WDPCP: variants seen among roughly 807,000 people sequenced by gnomAD.
WDPCP encodes WD repeat-containing and planar cell polarity effector protein fritz homolog.
Under a neutral mutation model 93.1 loss-of-function variants are expected in WDPCP, and 71 were observed. The ratio of observed to expected loss-of-function variants is 0.76; its 90% CI spans 0.63 to 0.93. WDPCP has a LOEUF of 0.93. WDPCP is among the 40% of genes least tolerant of loss of function. The probability of loss-of-function intolerance (pLI) is 0.00; values close to 1 mark genes in which losing one functional copy is unlikely to be tolerated. For missense variants in WDPCP, 844 were observed against 887.4 expected (o/e 0.95, Z 0.62); for synonymous variants, 315 against 315.0 (o/e 1.00, Z 0.00).
At chr2:63,651,651 T>C (rs969714002) in intron 2 of WDPCP, among the ~76,000 whole-genome samples, 7 of 152,192 alleles carry the variant, frequency 4.6e-5, no homozygotes, top group Non-Finnish European at 7.3e-5. Context: ...TCTTAAGGCC[T>C]TCAACTGATT....
chr2:63,515,831 T>G (rs1575563016), intron 1 of WDPCP, among the ~76,000 whole-genome samples: 1 of 152,072 alleles, frequency 6.6e-6, no homozygotes, highest in South Asian at 2.1e-4. Context: ...ACCAGCCTGG[T>G]CAACATGGTG....
chr2:63,226,438 T>C (rs905275085), intron 14 of WDPCP, among the ~76,000 whole-genome samples: 3 of 151,960 alleles, frequency 2.0e-5, no homozygotes, highest in African/African-American at 7.2e-5. Flanking sequence ...AAGGTATTGT[T>C]TTCAAGATTT....
chr2:63,155,367 C>A (rs1559160200), intron 15 of WDPCP, among the ~76,000 whole-genome samples: 1 of 151,994 alleles, frequency 6.6e-6, no homozygotes, highest in South Asian at 2.1e-4. Flanking sequence ...TGTATTGTGC[C>A]AATACCATTT....
chr2:63,240,080 T>C (rs563719992), intron 14 of WDPCP, among the ~76,000 whole-genome samples: 69 of 152,290 alleles, frequency 4.5e-4, no homozygotes, highest in African/African-American at 1.5e-3. Flanking sequence ...TATTTTATAA[T>C]AGAGCAAACT....
chr2:63,749,300 G>A (rs979202765), intron 2 of WDPCP, among the ~76,000 whole-genome samples: 1 of 152,026 alleles, frequency 6.6e-6, no homozygotes, highest in African/African-American at 2.4e-5. Flanking sequence ...AATAGACTCA[G>A]AAAGAAAACT....
At chr2:63,273,441 A>G (rs1441061359) in intron 13 of WDPCP, among the ~76,000 whole-genome samples, 1 of 151,404 alleles carries the variant, frequency 6.6e-6, no homozygotes, top group Non-Finnish European at 1.5e-5. Flanking sequence ...AACTTAAAAC[A>G]TGTAAAAAAA....
intron 12 of WDPCP, among the ~76,000 whole-genome samples, chr2:63,345,036 G>A (rs1241521084): frequency 6.6e-6 from 1 of 152,102 alleles, no homozygotes; most frequent in African/African-American, 2.4e-5. Flanking sequence ...AATTGATTCT[G>A]TCAGTTTTTG....
intron 14 of WDPCP, among the ~76,000 whole-genome samples, chr2:63,200,844 A>ATGGT (rs1170193269): frequency 6.6e-6 from 1 of 152,172 alleles, no homozygotes; most frequent in East Asian, 1.9e-4. Context: ...CAGTAGAAGG[A>ATGGT]TGGTTACTAG....
chr2:63,641,837 C>T (rs1709983386), intron 3 of WDPCP, among the ~76,000 whole-genome samples: 1 of 152,106 alleles, frequency 6.6e-6, no homozygotes, highest in African/African-American at 2.4e-5. Flanking sequence ...GTTGCCTGTG[C>T]TTGTGGGGTA....
At chr2:63,631,961 C>T (rs758412152) in intron 3 of WDPCP, among the ~76,000 whole-genome samples, 47 of 152,168 alleles carry the variant, frequency 3.1e-4, no homozygotes, top group Non-Finnish European at 5.0e-4. Flanking sequence ...AGATAATGAA[C>T]AGTCATTGCT....
intron 13 of WDPCP, among the ~76,000 whole-genome samples, chr2:63,294,348 C>T (rs984548979): frequency 7.9e-5 from 12 of 151,602 alleles, no homozygotes; most frequent in East Asian, 1.9e-4. Context: ...ACTAAAAATA[C>T]GCATACAAAA....
intron 1 of WDPCP, among the ~76,000 whole-genome samples, chr2:63,504,367 T>TGA (rs1553413961): frequency 7.6e-5 from 11 of 144,468 alleles, no homozygotes; most frequent in South Asian, 2.2e-4. Flanking sequence ...TGTGTGTGTG[T>TGA]GATGTATTTT....
intron 7 of WDPCP, chr2:63,437,824 C>A: frequency 6.3e-7 from 1 of 1,574,936 alleles, no homozygotes; most frequent in Non-Finnish European, 8.6e-7. Flanking sequence ...TATTTAGAAA[C>A]AGGGCTATAA....
At chr2:63,391,750 C>G (rs1693270386) in intron 10 of WDPCP, among the ~76,000 whole-genome samples, 1 of 152,042 alleles carries the variant, frequency 6.6e-6, no homozygotes, top group Admixed American at 6.6e-5. Context: ...CAATAATAGA[C>G]AGAGAGCCAA....
intron 1 of WDPCP, among the ~76,000 whole-genome samples, chr2:63,503,668 T>C (rs913008975): frequency 6.6e-6 from 1 of 152,154 alleles, no homozygotes; most frequent in Non-Finnish European, 1.5e-5. Context: ...TAATTAATTC[T>C]AGATTAAAAC....
At chr2:63,549,507 G>A (rs1447435984) in intron 1 of WDPCP, among the ~76,000 whole-genome samples, 5 of 152,066 alleles carry the variant, frequency 3.3e-5, no homozygotes, top group South Asian at 2.1e-4. Context: ...GGTGGCTCAC[G>A]CCTGTAATCC....
Position 63,152,944 on chromosome 2 carries a change from G to T in WDPCP, c.2160C>A (p.Asp720Glu). 1 of 1,612,158 alleles carries T rather than the reference G, an allele frequency of 6.2e-7. No individual in the cohort carries two copies. The highest frequency in any genetic ancestry group is 8.5e-7 in the Non-Finnish European group (1 of 1,178,748). The change falls in exon 17 of 18, where the codon GAC becomes GAA. Residue 720 changes from aspartate to glutamate, a missense_variant and splice_region_variant. Coordinates refer to ENST00000272321, the MANE Select transcript of WDPCP (RefSeq NM_015910.7). ...FLMTNTCNAE[D>E]GELREDGREQ... ...CTCTGCCGTCTTCTCTCAGTTCTCC[G>T]TCTAAAGTAAAAGATTAAAACATTA...
At position 63,120,189 on chromosome 2, in the gene WDPCP, C is replaced by A. The variant is rs1669475107; in HGVS notation, c.*1817G>T. On this transcript the variant is annotated 3_prime_UTR_variant, in exon 18 of 18. Transcript: ENST00000272321. ...TGACAAAACCCTATTTTTTTAAATA[C>A]AATTTTTTCTCTAAAAATTAGTTAA... is the stretch of plus-strand genomic sequence containing the variant. Among the ~76,000 whole-genome samples the A allele has an allele frequency of 6.6e-6, 1 of 152,026 alleles. No individual in the cohort carries two copies. The highest frequency in any genetic ancestry group is 1.5e-5 in the Non-Finnish European group (1 of 67,994).
chr2:63,303,355 G>A (rs1051530382), intron 13 of WDPCP, among the ~76,000 whole-genome samples: 1 of 152,176 alleles, frequency 6.6e-6, no homozygotes, highest in East Asian at 1.9e-4. Flanking sequence ...AGCTGCTCTG[G>A]TGTGGTAGGA....
Sources: gnomAD v4.1 joint callset for allele counts (sites outside exome capture counted in the v4.1 genomes callset) on GRCh38, gnomAD v4.1.1 for gene constraint, MANE v1.5 for transcripts, NCBI Gene and HGNC (gene_info 2026-07-23, HGNC 2026-07-21) for gene names.